The following MDGA2 variants were observed in gnomAD, a reference collection of about 807,000 sequenced individuals.
MDGA2 encodes MAM domain containing glycosylphosphatidylinositol anchor 2, also known as MAM domain-containing glycosylphosphatidylinositol anchor protein 2.
In MDGA2, 40 loss-of-function variants were observed where a neutral mutation model predicts 117.8. The observed-to-expected ratio is 0.34, with a 90% CI of 0.26 to 0.44. MDGA2 has a LOEUF of 0.44. MDGA2 is among the 20% of genes least tolerant of loss of function. The pLI, the probability that MDGA2 is intolerant of heterozygous loss-of-function variation, is 1.00. For missense variants in MDGA2, 1,123 were observed against 1,250.6 expected (o/e 0.90, Z 1.54); for synonymous variants, 452 against 439.0 (o/e 1.03, Z -0.37).
intron 3 of MDGA2, among the ~76,000 whole-genome samples, chr14:47,173,672 C>A (rs1884290888): frequency 6.6e-6 from 1 of 152,152 alleles, no homozygotes; most frequent in Non-Finnish European, 1.5e-5. Flanking sequence ...AAAGGCACAA[C>A]CGGTACCAGC....
At chr14:47,663,892 A>T (rs1897895023) in intron 1 of MDGA2, among the ~76,000 whole-genome samples, 1 of 147,890 alleles carries the variant, frequency 6.8e-6, no homozygotes. Context: ...GAAGACTATT[A>T]ATTAGTCTTG....
intron 8 of MDGA2, among the ~76,000 whole-genome samples, chr14:47,024,116 T>C (rs887123245): frequency 1.3e-5 from 2 of 152,058 alleles, no homozygotes; most frequent in Non-Finnish European, 2.9e-5. Context: ...GATAGATGAG[T>C]AGATAGGGAT....
intron 1 of MDGA2, among the ~76,000 whole-genome samples, chr14:47,610,254 G>A (rs1206260924): frequency 2.0e-5 from 3 of 152,012 alleles, no homozygotes; most frequent in African/African-American, 7.3e-5. Context: ...TCTGAGAACT[G>A]GAACAAGATA....
chr14:47,382,149 A>T (rs769765980), intron 1 of MDGA2, among the ~76,000 whole-genome samples: 94 of 152,204 alleles, frequency 6.2e-4, no homozygotes, highest in Non-Finnish European at 1.2e-3. Flanking sequence ...CTGGCTAGCC[A>T]TACGTAGAAA....
chr14:47,673,710 C>CA (rs1179932701), intron 1 of MDGA2, among the ~76,000 whole-genome samples: 4 of 150,046 alleles, frequency 2.7e-5, no homozygotes, highest in East Asian at 2.0e-4. Context: ...TGCTGACAGG[C>CA]AAAAAAACCT....
chr14:47,541,215 T>C (rs541798795), intron 1 of MDGA2, among the ~76,000 whole-genome samples: 1 of 152,352 alleles, frequency 6.6e-6, no homozygotes, highest in East Asian at 1.9e-4. Context: ...GAATCATGTA[T>C]TGTCATTTTC....
intron 5 of MDGA2, among the ~76,000 whole-genome samples, chr14:47,129,202 G>A (rs919497545): frequency 4.0e-5 from 6 of 151,416 alleles, no homozygotes; most frequent in African/African-American, 9.7e-5. Context: ...CCACTAACTC[G>A]TCATCTAGCA....
chr14:47,059,144 G>T, intron 7 of MDGA2: 1 of 867,458 alleles, frequency 1.2e-6, no homozygotes. Flanking sequence ...AAAATGAAAG[G>T]TGTATGCATA....
intron 1 of MDGA2, among the ~76,000 whole-genome samples, chr14:47,612,211 G>A (rs77533399): frequency 0.024 from 3,020 of 126,804 alleles, 107 homozygotes; most frequent in East Asian, 0.2. Flanking sequence ...TAGATAGACA[G>A]ATAGATAGAT....
At chr14:47,280,314 C>CAAAAAAAAAAAAAAAAAAAAA (rs1196509408) in intron 2 of MDGA2, among the ~76,000 whole-genome samples, 1 of 35,842 alleles carries the variant, frequency 2.8e-5, no homozygotes, top group African/African-American at 1.2e-4. Flanking sequence ...AACTCCATCT[C>CAAAAAAAAAAAAAAAAAAAAA]AAAAAAAAAA....
intron 1 of MDGA2, among the ~76,000 whole-genome samples, chr14:47,531,292 G>C (rs1895095095): frequency 6.6e-6 from 1 of 152,098 alleles, no homozygotes; most frequent in African/African-American, 2.4e-5. Context: ...TACATTCCCA[G>C]TAGAGGATAT....
At chr14:46,910,805 A>G (rs1482603164) in intron 10 of MDGA2, among the ~76,000 whole-genome samples, 1 of 152,314 alleles carries the variant, frequency 6.6e-6, no homozygotes, top group East Asian at 1.9e-4. Context: ...AAGGAATGCT[A>G]CGCAGCCATA....
Position 47,037,960 on chromosome 14 carries a change from C to T in MDGA2, c.1526-2656G>A, listed in dbSNP as rs542894279. Reference sequence around the variant, plus strand: ...ATGTTGTTGTTTTGAGATGGAGTCTCGCTCTGTTGCCCAGGCTGGGGTGCA... The same window carrying T: ...ATGTTGTTGTTTTGAGATGGAGTCTTGCTCTGTTGCCCAGGCTGGGGTGCA... On this transcript the variant is annotated intron_variant, in intron 7 of 16. Coordinates refer to ENST00000399232, the MANE Select transcript of MDGA2 (RefSeq NM_001113498.3). Among the ~76,000 whole-genome samples, 7 of 152,256 alleles carry T rather than the reference C, an allele frequency of 4.6e-5. 1 individual carries two copies. The South Asian group carries it at 1.5e-3, about 32-fold the overall frequency.
intron 8 of MDGA2, among the ~76,000 whole-genome samples, chr14:47,004,703 G>A (rs897124817): frequency 1.3e-5 from 2 of 151,600 alleles, no homozygotes; most frequent in Admixed American, 6.6e-5. Flanking sequence ...CACAATTTGC[G>A]AATAACTCAT....
chr14:47,603,332 G>A (rs1896682046), intron 1 of MDGA2, among the ~76,000 whole-genome samples: 1 of 152,104 alleles, frequency 6.6e-6, no homozygotes. Context: ...GAATAGATCA[G>A]TCTGCACTAC....
intron 7 of MDGA2, among the ~76,000 whole-genome samples, chr14:47,040,994 A>C (rs1367097502): frequency 6.6e-6 from 1 of 152,202 alleles, no homozygotes; most frequent in African/African-American, 2.4e-5. Flanking sequence ...AAAAGCTATC[A>C]AAATAATAGA....
chr14:47,195,123 C>A (rs952760409), intron 3 of MDGA2, among the ~76,000 whole-genome samples: 2 of 151,862 alleles, frequency 1.3e-5, no homozygotes, highest in Non-Finnish European at 2.9e-5. Context: ...TATTTAAAAC[C>A]AGTGGCATAA....
chr14:47,004,103 T>C (rs372667501), intron 8 of MDGA2, among the ~76,000 whole-genome samples: 1 of 151,868 alleles, frequency 6.6e-6, no homozygotes, highest in Non-Finnish European at 1.5e-5. Context: ...CAGAACTGCA[T>C]AATGAAACAA....
intron 1 of MDGA2, among the ~76,000 whole-genome samples, chr14:47,442,716 A>C (rs1334722515): frequency 5.3e-5 from 8 of 152,106 alleles, no homozygotes; most frequent in Non-Finnish European, 8.8e-5. Context: ...CTTCCTGCGG[A>C]TACCACATCT....
Sources: gnomAD v4.1 joint callset for allele counts (sites outside exome capture counted in the v4.1 genomes callset) on GRCh38, gnomAD v4.1.1 for gene constraint, MANE v1.5 for transcripts, NCBI Gene and HGNC (gene_info 2026-07-23, HGNC 2026-07-21) for gene names.